SV2B: variants seen among roughly 807,000 people sequenced by gnomAD.
The protein encoded by SV2B is synaptic vesicle glycoprotein 2B.
Under a neutral mutation model 73.9 loss-of-function variants are expected in SV2B, and 41 were observed. That is an observed-to-expected ratio of 0.56 (90% confidence interval 0.43 to 0.72). The LOEUF (loss-of-function observed/expected upper bound fraction) is 0.72. Ranked by LOEUF, SV2B falls within the 30% of genes least tolerant of loss-of-function variation. SV2B has a pLI of 0.00. For synonymous variants in SV2B, 314 were observed against 314.2 expected (o/e 1.00, Z 0.01); for missense variants, 764 against 857.8 (o/e 0.89, Z 1.37).
rs965078578 is a variant in SV2B at position 91,122,642 on chromosome 15, G to A, written c.-392+22279G>A. On this transcript the variant is annotated intron_variant, in intron 1 of 12. Coordinates refer to ENST00000394232, the MANE Select transcript of SV2B (RefSeq NM_001323032.3). The surrounding 1 kb of genome is among the most constrained non-coding windows in gnomAD (Gnocchi z 4.3). ...GTTCCATTAAGATACTTTGCACCTG[G>A]GGCTCATCTTCCCCAATCATTTGTC... is the stretch of plus-strand genomic sequence containing the variant. 2.0e-5 allele frequency among the ~76,000 whole-genome samples: 3 copies of A among 152,086 alleles called. No homozygotes were observed. Among genetic ancestry groups the A allele is most frequent in the Non-Finnish European group, 2.9e-5 (2 of 68,016 alleles).
chr15:91,148,753 G>A (rs985980521), intron 1 of SV2B, among the ~76,000 whole-genome samples: 4 of 152,200 alleles, frequency 2.6e-5, no homozygotes, highest in Admixed American at 1.3e-4. Flanking sequence ...AGCTGATGGT[G>A]TAAGGTCCAG....
Position 91,241,822 on chromosome 15 carries a change from T to C in SV2B, c.452-9997T>C, listed in dbSNP as rs965725787. 1.3e-5 allele frequency among the ~76,000 whole-genome samples: 2 copies of C among 152,208 alleles called. No individual in the cohort carries two copies. Among genetic ancestry groups the C allele is most frequent in the Admixed American group, 1.3e-4 (2 of 15,284 alleles). On this transcript the variant is annotated intron_variant, in intron 2 of 12. Coordinates refer to ENST00000394232, the MANE Select transcript of SV2B (RefSeq NM_001323032.3). This position sits in a 1 kb window ranked among gnomAD's most constrained non-coding sequence, Gnocchi z 4.8. ...CATCAATATTTATCTCTCTATGGAATCATTCCCACCAGCACACTACACATT... is the reference window on the plus strand; with the variant it reads ...CATCAATATTTATCTCTCTATGGAACCATTCCCACCAGCACACTACACATT...
chr15:91,285,074 C>T (rs758872510), intron 11 of SV2B, among the ~76,000 whole-genome samples: 28 of 152,168 alleles, frequency 1.8e-4, no homozygotes, highest in Non-Finnish European at 3.8e-4. Context: ...TACGAAGCTT[C>T]CTAGCAGCAA....
At chr15:91,264,225 C>A (rs1347155511) in intron 6 of SV2B, among the ~76,000 whole-genome samples, 1 of 152,274 alleles carries the variant, frequency 6.6e-6, no homozygotes, top group Non-Finnish European at 1.5e-5. Context: ...ACAGGCCCCA[C>A]TGGGAGCCCC....
chr15:91,276,384 T>C (rs1051293400), intron 9 of SV2B, among the ~76,000 whole-genome samples: 2 of 152,112 alleles, frequency 1.3e-5, no homozygotes, highest in Admixed American at 6.6e-5. Context: ...GAAAATCCTT[T>C]GCCTTTGTCT....
rs1452837893 is a variant in SV2B at position 91,242,671 on chromosome 15, A to G, written c.452-9148A>G. On this transcript the variant is annotated intron_variant, in intron 2 of 12. Transcript: ENST00000394232. This position sits in a 1 kb window ranked among gnomAD's most constrained non-coding sequence, Gnocchi z 4.9. ...GACATCAGTATCCAGGGGTTGCTTA[A>G]TACTTGATAAAAGGGTGAATAGCAG... 6.6e-6 allele frequency among the ~76,000 whole-genome samples: 1 copy of G among 152,214 alleles called. No individual in the cohort carries two copies. Among genetic ancestry groups the G allele is most frequent in the Non-Finnish European group, 1.5e-5 (1 of 68,038 alleles).
chr15:91,175,257 T>C (rs911745771), intron 1 of SV2B, among the ~76,000 whole-genome samples: 1 of 150,512 alleles, frequency 6.6e-6, no homozygotes, highest in African/African-American at 2.5e-5. Flanking sequence ...GACTTTCTTT[T>C]TTCTTTTTTT....
In SV2B at chr15:91,281,405, G is replaced by A. The variant is rs11856292; in HGVS notation, c.1374-323G>A. 0.035 allele frequency among the ~76,000 whole-genome samples: 5,272 copies of A among 152,268 alleles called. 319 individuals are homozygous for A. Among genetic ancestry groups the A allele is most frequent in the African/African-American group, 0.12 (4,997 of 41,534 alleles). ...TTTTAAAAATGTCTCAGAAAGTGAG[G>A]TGTTATTAATATTTAAATTTCACAC... On this transcript the variant is annotated intron_variant, in intron 9 of 12. Coordinates refer to ENST00000394232, the MANE Select transcript of SV2B (RefSeq NM_001323032.3). The surrounding 1 kb of genome is among the most constrained non-coding windows in gnomAD (Gnocchi z 4.7).
In SV2B at chr15:91,290,310, T is replaced by C. The variant is rs1220040006; in HGVS notation, c.1868+630T>C. On this transcript the variant is annotated intron_variant, in intron 12 of 12. Coordinates refer to ENST00000394232, the MANE Select transcript of SV2B (RefSeq NM_001323032.3). This position sits in a 1 kb window ranked among gnomAD's most constrained non-coding sequence, Gnocchi z 4.7. ...TAAGGAAGGTGGGTAAATGAAATTC[T>C]GCAAAAACCTTAATGATATTTCCAA... 1.3e-5 allele frequency among the ~76,000 whole-genome samples: 2 copies of C among 152,224 alleles called. No individual in the cohort carries two copies. The highest frequency in any genetic ancestry group is 2.9e-5 in the Non-Finnish European group (2 of 68,036).
intron 2 of SV2B, among the ~76,000 whole-genome samples, chr15:91,243,812 C>T (rs2141576359): frequency 6.6e-6 from 1 of 152,326 alleles, no homozygotes; most frequent in South Asian, 2.1e-4. Flanking sequence ...TTCTGTCTCT[C>T]AGACTCCCTG....
rs1279149951 is a variant in SV2B at position 91,284,819 on chromosome 15, C to T, written c.1708+598C>T. 2.6e-5 allele frequency among the ~76,000 whole-genome samples: 4 copies of T among 152,144 alleles called. No homozygotes were observed. The highest frequency in any genetic ancestry group is 1.9e-4 in the East Asian group (1 of 5,200). ...GTACCTGTAACACTTGGCACATCGT[C>T]GGTTCTCAAAAATGGTAGCTATATT... On this transcript the variant is annotated intron_variant, in intron 11 of 12. Transcript: ENST00000394232. This position sits in a 1 kb window ranked among gnomAD's most constrained non-coding sequence, Gnocchi z 4.5.
intron 1 of SV2B, among the ~76,000 whole-genome samples, chr15:91,116,640 A>G (rs1429862460): frequency 6.6e-6 from 1 of 152,204 alleles, no homozygotes; most frequent in Non-Finnish European, 1.5e-5. Flanking sequence ...GCATGCACTG[A>G]CAGAGCTAGA....
rs1329930487 is a variant in SV2B at position 91,234,416 on chromosome 15, G to C, written c.451+7702G>C. 6.6e-6 allele frequency among the ~76,000 whole-genome samples: 1 copy of C among 152,190 alleles called. No homozygotes were observed. The highest frequency in any genetic ancestry group is 6.5e-5 in the Admixed American group (1 of 15,276). ...GGAATAATTGGATCCCAGGGTGCAAGGGCCAAGTGGTGGCACTCAGTCACC... is the reference window on the plus strand; with the variant it reads ...GGAATAATTGGATCCCAGGGTGCAACGGCCAAGTGGTGGCACTCAGTCACC... On this transcript the variant is annotated intron_variant, in intron 2 of 12. Transcript: ENST00000394232. The surrounding 1 kb of genome is among the most constrained non-coding windows in gnomAD (Gnocchi z 5.6).
In SV2B at chr15:91,132,330, GA is replaced by G. The variant is rs1437003251; in HGVS notation, c.-392+31969del. Reference sequence around the variant, plus strand: ...AAAGCAGCCAACCAGAGGCTGAAGTGAAGTTACAAAGGTCACACACCTGTGC... The same window carrying G: ...AAAGCAGCCAACCAGAGGCTGAAGTGAGTTACAAAGGTCACACACCTGTGC... On this transcript the variant is annotated intron_variant, in intron 1 of 12. Transcript: ENST00000394232. The surrounding 1 kb of genome is among the most constrained non-coding windows in gnomAD (Gnocchi z 4.6). Among the ~76,000 whole-genome samples, 19 of 152,198 alleles carry G rather than the reference GA, an allele frequency of 1.2e-4. No homozygotes were observed. Among genetic ancestry groups the G allele is most frequent in the Non-Finnish European group, 2.2e-4 (15 of 68,044 alleles).
At chr15:91,275,933 C>T (rs566608103) in intron 9 of SV2B, among the ~76,000 whole-genome samples, 4 of 152,292 alleles carry the variant, frequency 2.6e-5, no homozygotes, top group African/African-American at 9.6e-5. Context: ...GCCTGAGGAA[C>T]TTCCCGTTAC....
At position 91,253,269 on chromosome 15, in the gene SV2B, T is replaced by C. The variant is rs1255318479; in HGVS notation, c.784+749T>C. 6.6e-6 allele frequency among the ~76,000 whole-genome samples: 1 copy of C among 152,204 alleles called. No individual in the cohort carries two copies. The highest frequency in any genetic ancestry group is 1.5e-5 in the Non-Finnish European group (1 of 68,030). On this transcript the variant is annotated intron_variant, in intron 4 of 12. Coordinates refer to ENST00000394232, the MANE Select transcript of SV2B (RefSeq NM_001323032.3). The surrounding 1 kb of genome is among the most constrained non-coding windows in gnomAD (Gnocchi z 5.0). ...ATCATTCAAAATCATTTTTGGTAAATCACTGATTATGAGTATAGGTTCAGC... is the reference window on the plus strand; with the variant it reads ...ATCATTCAAAATCATTTTTGGTAAACCACTGATTATGAGTATAGGTTCAGC...
At chr15:91,147,856 A>T (rs1446222431) in intron 1 of SV2B, among the ~76,000 whole-genome samples, 2 of 148,870 alleles carry the variant, frequency 1.3e-5, no homozygotes, top group Non-Finnish European at 3.0e-5. Context: ...TTAATTCCTT[A>T]TGATTGTAAG....
chr15:91,124,685 A>C lies in SV2B; in HGVS notation c.-392+24322A>C. 6.6e-6 allele frequency among the ~76,000 whole-genome samples: 1 copy of C among 151,038 alleles called. No individual in the cohort carries two copies. The highest frequency in any genetic ancestry group is 1.5e-5 in the Non-Finnish European group (1 of 67,790). ...ATTTTTTTTTTTTTGAGACAGTCTC[A>C]CTCTGTCACCCAGGCTGGAGTGCAG... On this transcript the variant is annotated intron_variant, in intron 1 of 12. Transcript: ENST00000394232. This position sits in a 1 kb window ranked among gnomAD's most constrained non-coding sequence, Gnocchi z 4.6.
At chr15:91,117,775 G>A (rs1243576571) in intron 1 of SV2B, among the ~76,000 whole-genome samples, 2 of 152,216 alleles carry the variant, frequency 1.3e-5, no homozygotes, top group African/African-American at 4.8e-5. Context: ...TAGAAGACAT[G>A]GCAAAGTGAC....
Sources: allele counts gnomAD v4.1 joint callset (sites outside exome capture counted in the v4.1 genomes callset), GRCh38; gene constraint gnomAD v4.1.1; non-coding constraint Gnocchi (gnomAD v3.1); transcripts MANE v1.5; gene names NCBI Gene and HGNC (gene_info 2026-07-23, HGNC 2026-07-21).